CREB5: variants seen among roughly 807,000 people sequenced by gnomAD.
CREB5 encodes cAMP responsive element binding protein 5, also known as cyclic AMP-responsive element-binding protein 5.
A neutral mutation model predicts 57.1 loss-of-function variants in CREB5; 19 were observed. The ratio of observed to expected loss-of-function variants is 0.33; its 90% CI spans 0.23 to 0.49. CREB5 has a LOEUF of 0.49. Among genes scored for constraint, CREB5 ranks in the 20% least tolerant of loss-of-function variants. CREB5 has a pLI of 0.99. For synonymous variants in CREB5, 238 were observed against 238.3 expected, an observed-to-expected ratio of 1.00 and a Z score of 0.01; for missense variants, 579 against 671.6, an observed-to-expected ratio of 0.86 and a Z score of 1.52.
intron 5 of CREB5, among the ~76,000 whole-genome samples, chr7:28,668,423 T>C (rs1368505105): frequency 6.6e-6 from 1 of 152,242 alleles, no homozygotes. Context: ...TAATTACTTT[T>C]ATTATATGTT....
intron 1 of CREB5, among the ~76,000 whole-genome samples, chr7:28,464,496 CGTGTGTGTGTGTGTGTGTGTGT>C (rs71555745): frequency 7.2e-6 from 1 of 139,576 alleles, no homozygotes; most frequent in African/African-American, 2.7e-5. Context: ...TGGAAAGTTG[CGTGTGTGTGTGTGTGTGTGTGT>C]GTGTGTGTGT....
At chr7:28,493,756 A>C (rs149348674) in intron 2 of CREB5, among the ~76,000 whole-genome samples, 1 of 152,342 alleles carries the variant, frequency 6.6e-6, no homozygotes, top group African/African-American at 2.4e-5. Flanking sequence ...AGCCAAAAAC[A>C]TTTGGGAGCA....
intron 5 of CREB5, among the ~76,000 whole-genome samples, chr7:28,654,759 C>G (rs73684240): frequency 0.041 from 6,284 of 151,954 alleles, 474 homozygotes; most frequent in East Asian, 0.39. Flanking sequence ...AATGAGGCAC[C>G]CTGATGAAAA....
chr7:28,395,804 T>TCTTTC (rs1171654479), intron 1 of CREB5, among the ~76,000 whole-genome samples: 2 of 152,256 alleles, frequency 1.3e-5, no homozygotes, highest in African/African-American at 4.8e-5. Context: ...TTTCTTTCTT[T>TCTTTC]TTTTTTTCTG....
intron 1 of CREB5, among the ~76,000 whole-genome samples, chr7:28,445,040 G>A (rs925118063): frequency 5.3e-5 from 8 of 152,272 alleles, no homozygotes; most frequent in Admixed American, 1.3e-4. Context: ...GAGGTTGGGC[G>A]TTTCCCATGC....
At chr7:28,560,811 T>TGTGCGCGCGCGTGTGTGTGTGTGC (rs1795067703) in intron 4 of CREB5, among the ~76,000 whole-genome samples, 3 of 34,476 alleles carry the variant, frequency 8.7e-5, no homozygotes, top group South Asian at 2.8e-3. Context: ...TGTGTGCGCG[T>TGTGCGCGCGCGTGTGTGTGTGTGC]GTGTGTGTGT....
chr7:28,718,662 T>A (rs900273592), intron 5 of CREB5, 91 bp from the exon 6 acceptor site: 2 of 1,542,004 alleles, frequency 1.3e-6, no homozygotes, highest in African/African-American at 2.7e-5. Flanking sequence ...CTGCTGCACA[T>A]GTGACATTGT....
chr7:28,630,603 T>C (rs1181055018), intron 5 of CREB5, among the ~76,000 whole-genome samples: 1 of 152,172 alleles, frequency 6.6e-6, no homozygotes, highest in African/African-American at 2.4e-5. Context: ...CTCAAAACTA[T>C]AGCAACAGAG....
intron 5 of CREB5, among the ~76,000 whole-genome samples, chr7:28,575,026 C>T (rs1413569865): frequency 6.6e-6 from 1 of 152,120 alleles, no homozygotes; most frequent in African/African-American, 2.4e-5. Flanking sequence ...TGAAAAGGTG[C>T]CAAGACTTAT....
At chr7:28,816,457 C>T (rs1395777176) in intron 9 of CREB5, among the ~76,000 whole-genome samples, 1 of 152,062 alleles carries the variant, frequency 6.6e-6, no homozygotes, top group Non-Finnish European at 1.5e-5. Context: ...GTGATTTATT[C>T]ATCATTAAGG....
At chr7:28,492,589 G>C (rs1791852557) in intron 2 of CREB5, among the ~76,000 whole-genome samples, 1 of 151,894 alleles carries the variant, frequency 6.6e-6, no homozygotes, top group Non-Finnish European at 1.5e-5. Context: ...TGGTATTATG[G>C]AAATAATTGT....
At chr7:28,544,772 C>T (rs1436015722) in intron 4 of CREB5, among the ~76,000 whole-genome samples, 1 of 152,136 alleles carries the variant, frequency 6.6e-6, no homozygotes, top group Non-Finnish European at 1.5e-5. Context: ...GGCAGAGCAT[C>T]ACCAGGGCTG....
intron 1 of CREB5, among the ~76,000 whole-genome samples, chr7:28,461,124 G>A (rs968951013): frequency 4.3e-5 from 5 of 115,326 alleles, no homozygotes; most frequent in African/African-American, 1.3e-4. Flanking sequence ...TTGGGAGGCT[G>A]AGGCAGGAGT....
chr7:28,346,405 A>G (rs1361949454), intron 1 of CREB5, among the ~76,000 whole-genome samples: 1 of 152,186 alleles, frequency 6.6e-6, no homozygotes, highest in Non-Finnish European at 1.5e-5. Flanking sequence ...CTCTTTTACA[A>G]TGGCATTAAT....
intron 7 of CREB5, among the ~76,000 whole-genome samples, chr7:28,792,078 G>A (rs1441644274): frequency 6.6e-6 from 1 of 152,194 alleles, no homozygotes; most frequent in Non-Finnish European, 1.5e-5. Context: ...GCTAAGGCAG[G>A]CTGATCACTT....
At chr7:28,351,745 A>G (rs1056298080) in intron 1 of CREB5, among the ~76,000 whole-genome samples, 1 of 150,280 alleles carries the variant, frequency 6.7e-6, no homozygotes, top group Non-Finnish European at 1.5e-5. Flanking sequence ...TGAATGTACC[A>G]TATTTTGTTA....
chr7:28,737,381 C>T (rs1446165127), intron 7 of CREB5, among the ~76,000 whole-genome samples: 2 of 151,326 alleles, frequency 1.3e-5, no homozygotes, highest in Admixed American at 6.6e-5. Flanking sequence ...AGCTGCACCT[C>T]CTGGTTTCTT....
chr7:28,660,625 C>T (rs1436580645), intron 5 of CREB5, among the ~76,000 whole-genome samples: 1 of 151,950 alleles, frequency 6.6e-6, no homozygotes, highest in African/African-American at 2.4e-5. Flanking sequence ...ACTGAGAAGT[C>T]CTATAGTAAA....
At chr7:28,667,019 A>G (rs1799852934) in intron 5 of CREB5, among the ~76,000 whole-genome samples, 1 of 152,084 alleles carries the variant, frequency 6.6e-6, no homozygotes, top group African/African-American at 2.4e-5. Flanking sequence ...GCTTGGATCA[A>G]ATAGGTCACC....
Sources: allele counts gnomAD v4.1 joint callset (sites outside exome capture counted in the v4.1 genomes callset), GRCh38; gene constraint gnomAD v4.1.1; transcripts MANE v1.5; gene names NCBI Gene and HGNC (gene_info 2026-07-23, HGNC 2026-07-21).